Variants in ELAPOR1 observed in about 807,000 individuals in gnomAD.
The protein encoded by ELAPOR1 is endosome/lysosome-associated apoptosis and autophagy regulator 1.
In ELAPOR1, 77 loss-of-function variants were observed where a neutral mutation model predicts 119.7. The ratio of observed to expected loss-of-function variants is 0.64; its 90% confidence interval spans 0.54 to 0.78. The LOEUF (loss-of-function observed/expected upper bound fraction) is 0.78, where lower values mean the gene tolerates loss of function less well. Ranked by LOEUF, ELAPOR1 falls within the 30% of genes least tolerant of loss-of-function variation. The probability of loss-of-function intolerance (pLI) is 0.00; values close to 1 mark genes in which losing one functional copy is unlikely to be tolerated. For synonymous variants in ELAPOR1, 481 were observed against 487.2 expected (o/e 0.99, Z 0.17); for missense variants, 1,115 against 1,270.4 (o/e 0.88, Z 1.86).
intron 11 of ELAPOR1, among the ~76,000 whole-genome samples, chr1:109,190,180 G>A (rs2101109746): frequency 6.6e-6 from 1 of 152,212 alleles, no homozygotes; most frequent in South Asian, 2.1e-4. Context: ...TGGTGTGGTG[G>A]AAGGAACACC....
chr1:109,149,323 G>A (rs1427811200), intron 1 of ELAPOR1, among the ~76,000 whole-genome samples: 1 of 151,304 alleles, frequency 6.6e-6, no homozygotes, highest in Non-Finnish European at 1.5e-5. Context: ...TTTTTAACCA[G>A]TTTACAAAGA....
chr1:109,165,719 G>A (rs1037525195), intron 3 of ELAPOR1, among the ~76,000 whole-genome samples: 8 of 151,218 alleles, frequency 5.3e-5, no homozygotes, highest in Admixed American at 1.3e-4. Flanking sequence ...GTATCTTCCC[G>A]GCTTGGGTGC....
chr1:109,120,660 C>A (rs1317168926), intron 1 of ELAPOR1, among the ~76,000 whole-genome samples: 1 of 151,952 alleles, frequency 6.6e-6, no homozygotes, highest in African/African-American at 2.4e-5. Flanking sequence ...CCCAGACATA[C>A]CAAGTTAGGG....
Position 109,192,590 on chromosome 1 carries a change from CT to C in ELAPOR1, c.1684-20del. 6.2e-7 allele frequency: 1 copy of C among 1,612,850 alleles called. No homozygotes were observed. Among genetic ancestry groups the C allele is most frequent in the Non-Finnish European group, 8.5e-7 (1 of 1,179,042 alleles). The stretch of plus-strand genomic sequence containing the variant: ...CTGTCTCAGGCCTCTCCCCTCTCCC[CT>C]CTTGTTTCCTTGTCTCCAGAGCAGG... On this transcript the variant is annotated intron_variant, in intron 13 of 21. Coordinates refer to ENST00000369939, the MANE Select transcript of ELAPOR1 (RefSeq NM_020775.5).
At chr1:109,185,458 G>A (rs2101095829) in intron 8 of ELAPOR1, among the ~76,000 whole-genome samples, 1 of 152,278 alleles carries the variant, frequency 6.6e-6, no homozygotes. Flanking sequence ...CGTACACAAT[G>A]TCCTCCCGGG....
intron 1 of ELAPOR1, among the ~76,000 whole-genome samples, chr1:109,138,834 C>CAAAAAAAAAAAAAAAAAAAAAA (rs150398954): frequency 2.6e-4 from 28 of 107,290 alleles, no homozygotes; most frequent in Non-Finnish European, 4.2e-4. Context: ...AACTCCATCT[C>CAAAAAAAAAAAAAAAAAAAAAA]AAAAAAAAAA....
rs1653516480 is a variant in ELAPOR1, at chr1:109,192,659, A to T, written c.1732A>T (p.Thr578Ser). 2 of 1,613,966 alleles carry T rather than the reference A, an allele frequency of 1.2e-6. No individual in the cohort carries two copies. Reference protein sequence around the residue: ...DVAKIYSINVTNVMNGVASYC... With the variant: ...DVAKIYSINVSNVMNGVASYC... ...TGCCAAGATCTACTCCATCAATGTC[A>T]CCAATGTTATGAATGGTGTGGCCTC... is the stretch of plus-strand genomic sequence containing the variant. Residue 578 changes from threonine (T) to serine (S), a missense_variant, in exon 14 of 22, where the codon ACC becomes TCC. Thr to Ser is a moderately conservative substitution (Grantham distance 58, BLOSUM62 1). Transcript: ENST00000369939.
chr1:109,152,323 G>T (rs186535860), intron 1 of ELAPOR1, among the ~76,000 whole-genome samples: 1 of 152,298 alleles, frequency 6.6e-6, no homozygotes, highest in East Asian at 1.9e-4. Context: ...GTTGGCTCCA[G>T]ACAAAACCCA....
rs767766964 is a variant in ELAPOR1, at chr1:109,114,356, C to G, written c.153+20C>G. 12 of 1,559,492 alleles carry G rather than the reference C, an allele frequency of 7.7e-6. No homozygotes were observed. The South Asian group carries it at 8.3e-5, about 11-fold the overall frequency. Reference sequence around the variant, plus strand: ...AAAGAGGTACTGCCGCCCCCCTACCCGATCCCGCTTTGGTCACAAAAGTCT... The same window carrying G: ...AAAGAGGTACTGCCGCCCCCCTACCGGATCCCGCTTTGGTCACAAAAGTCT... On this transcript the variant is annotated intron_variant, in intron 1 of 21. Transcript: ENST00000369939.
Position 109,192,793 on chromosome 1 carries a change from CA to C in ELAPOR1, c.1867del (p.Thr623LeufsTer5), listed in dbSNP as rs1437113456. ...RDSGTCHSCP[T>X]NTILKAHQPY... is the part of the protein sequence containing the mutation. ...ATTCAGGAACCTGCCACTCCTGCCCCACTAACACAATTCTGAAAGCCCACCA... is the reference window on the plus strand; with the variant it reads ...ATTCAGGAACCTGCCACTCCTGCCCCCTAACACAATTCTGAAAGCCCACCA... On this transcript the variant is annotated frameshift_variant, in exon 14 of 22. Coordinates refer to ENST00000369939, the MANE Select transcript of ELAPOR1 (RefSeq NM_020775.5). LOFTEE classifies it high-confidence loss of function. 6.8e-6 allele frequency: 11 copies of C among 1,613,930 alleles called. No homozygotes were observed. The highest frequency in any genetic ancestry group is 1.3e-5 in the African/African-American group (1 of 74,898).
chr1:109,122,868 G>A (rs1347789679), intron 1 of ELAPOR1, among the ~76,000 whole-genome samples: 3 of 152,102 alleles, frequency 2.0e-5, no homozygotes, highest in African/African-American at 7.2e-5. Context: ...AAGGTAGGAG[G>A]ACCATTTGAA....
intron 1 of ELAPOR1, among the ~76,000 whole-genome samples, chr1:109,161,396 C>T (rs969718625): frequency 9.0e-5 from 11 of 122,686 alleles, no homozygotes; most frequent in East Asian, 2.3e-4. Flanking sequence ...GGCGACAGAG[C>T]GAGACTCCGT....
chr1:109,166,832 A>G lies in ELAPOR1; in HGVS notation c.467+2141A>G, dbSNP rs552636837. On this transcript the variant is annotated intron_variant, in intron 3 of 21. Transcript: ENST00000369939. ...TGGACAGTGAATACAGGAGGAAAGCAAGTGAAAGTTTCACTTATACCCAAA... is the reference window on the plus strand; with the variant it reads ...TGGACAGTGAATACAGGAGGAAAGCGAGTGAAAGTTTCACTTATACCCAAA... 1.4e-4 allele frequency among the ~76,000 whole-genome samples: 22 copies of G among 152,358 alleles called. 2 individuals are homozygous for G. The South Asian group carries it at 4.3e-3, about 30-fold the overall frequency.
intron 9 of ELAPOR1, 49 bp from the exon 10 acceptor site, chr1:109,189,017 G>T: frequency 6.2e-7 from 1 of 1,602,606 alleles, no homozygotes; most frequent in South Asian, 1.1e-5. Flanking sequence ...CAGTCAGAGT[G>T]ACTGCAGCCT....
chr1:109,152,361 A>G (rs1231455623), intron 1 of ELAPOR1, among the ~76,000 whole-genome samples: 1 of 152,150 alleles, frequency 6.6e-6, no homozygotes, highest in African/African-American at 2.4e-5. Context: ...GTTTCTTGAC[A>G]CAGATCCTGT....
In ELAPOR1 at chr1:109,191,839, C is replaced by T; in HGVS notation, c.1659C>T (p.Phe553=). ...ENTTTSFTWA[F]QRTTFHEASR... ...CTACCACGAGCTTCACCTGGGCCTT[C>T]CAGAGGACCACTTTTCATGAGGCAG... The change falls in exon 13 of 22, where the codon TTC becomes TTT. Residue 553 remains phenylalanine (F), a synonymous_variant. Transcript: ENST00000369939. 2 of 1,614,228 alleles carry T rather than the reference C, an allele frequency of 1.2e-6. No individual in the cohort carries two copies.
At chr1:109,186,959 G>A in intron 8 of ELAPOR1, 1 of 985,550 alleles carries the variant, frequency 1.0e-6, no homozygotes, top group Non-Finnish European at 1.2e-6. Context: ...CAGAGGAGGA[G>A]CACTGAAGCG....
At chr1:109,194,637 GC>G in intron 15 of ELAPOR1, 43 bp downstream of exon 15, 1 of 1,578,992 alleles carries the variant, frequency 6.3e-7, no homozygotes, top group Non-Finnish European at 8.7e-7. Flanking sequence ...AATGGGGGAG[GC>G]CCATGGATCA....
At chr1:109,202,919 G>A in intron 21 of ELAPOR1, 25 bp from the exon 22 acceptor site, 1 of 1,613,876 alleles carries the variant, frequency 6.2e-7, no homozygotes, top group Non-Finnish European at 8.5e-7. Flanking sequence ...GCAGCAGCCA[G>A]CTCCTGTCAC....
Sources: gnomAD v4.1 joint callset for allele counts (sites outside exome capture counted in the v4.1 genomes callset) on GRCh38, gnomAD v4.1.1 for gene constraint, MANE v1.5 for transcripts, NCBI Gene and HGNC (gene_info 2026-07-23, HGNC 2026-07-21) for gene names.